Variants in RADIL observed in about 807,000 individuals in gnomAD.
RADIL encodes ras-associating and dilute domain-containing protein.
Under a neutral mutation model 97.6 loss-of-function variants are expected in RADIL, and 99 were observed. That is an observed-to-expected ratio of 1.01 (90% CI 0.86 to 1.20). The LOEUF (loss-of-function observed/expected upper bound fraction) is 1.20, where lower values mean the gene tolerates loss of function less well. Among genes scored for constraint, RADIL ranks in the 50% most tolerant of loss-of-function variants. The probability of loss-of-function intolerance (pLI) is 0.00; values close to 1 mark genes in which losing one functional copy is unlikely to be tolerated. For synonymous variants in RADIL, 803 were observed against 691.8 expected, an observed-to-expected ratio of 1.16 and a Z score of -2.52; for missense variants, 1,765 against 1,498.9, an observed-to-expected ratio of 1.18 and a Z score of -2.93.
chr7:4,875,124 G>A (rs151222589), intron 2 of RADIL, among the ~76,000 whole-genome samples: 5,054 of 142,054 alleles, frequency 0.036, 503 homozygotes, highest in African/African-American at 0.14. Context: ...CCCGGGAGGC[G>A]GAGCTTGCAG....
At chr7:4,816,558 A>G (rs954161289) in intron 7 of RADIL, 93 bp from the exon 8 acceptor site, 11 of 1,048,104 alleles carry the variant, frequency 1.0e-5, no homozygotes, top group Non-Finnish European at 1.6e-5. Context: ...CCACCCACGC[A>G]CTGCTTGCAG....
intron 10 of RADIL, among the ~76,000 whole-genome samples, chr7:4,804,422 C>T (rs542759793): frequency 4.6e-4 from 70 of 152,350 alleles, no homozygotes; most frequent in African/African-American, 1.4e-3. Flanking sequence ...CCCGCCATCC[C>T]GTACTCTGTT....
chr7:4,805,916 G>A (rs1187593018), intron 9 of RADIL, 200 bp from the exon 10 acceptor site: 2 of 985,376 alleles, frequency 2.0e-6, no homozygotes, highest in African/African-American at 3.5e-5. Flanking sequence ...CTGCTCCAGG[G>A]AGAGGCCGGC....
chr7:4,865,245 T>TAA (rs1347827436), intron 2 of RADIL, among the ~76,000 whole-genome samples: 1 of 152,226 alleles, frequency 6.6e-6, no homozygotes, highest in East Asian at 1.9e-4. Context: ...TCATAGCACA[T>TAA]AAAACAACTT....
chr7:4,841,453 C>G (rs957695154), intron 2 of RADIL, among the ~76,000 whole-genome samples: 1 of 152,210 alleles, frequency 6.6e-6, no homozygotes, highest in Admixed American at 6.5e-5. Flanking sequence ...AAGTGACACC[C>G]ACAAGCGCTG....
chr7:4,850,635 G>A (rs1211472464), intron 2 of RADIL, among the ~76,000 whole-genome samples: 1 of 152,182 alleles, frequency 6.6e-6, no homozygotes, highest in Non-Finnish European at 1.5e-5. Context: ...GGAGCTGAGA[G>A]TGGTCCACGG....
rs79065631 is a variant in RADIL at position 4,878,369 on chromosome 7, C to T, written c.-64-166G>A. Among the ~76,000 whole-genome samples, 890 of 152,110 alleles carry T rather than the reference C, an allele frequency of 5.9e-3. 11 individuals carry two copies. Among genetic ancestry groups the T allele is most frequent in the African/African-American group, 0.02 (837 of 41,510 alleles). On this transcript the variant is annotated intron_variant, in intron 1 of 14. Coordinates refer to ENST00000399583, the MANE Select transcript of RADIL (RefSeq NM_018059.5). This position sits in a 1 kb window ranked among gnomAD's most constrained non-coding sequence, Gnocchi z 4.1. The stretch of plus-strand genomic sequence containing the variant: ...GACCAGCCTGGGAAACATAGTAAGG[C>T]CCCGGCTCTACAAAAAATTTAAAAA...
intron 5 of RADIL, among the ~76,000 whole-genome samples, chr7:4,829,099 C>T (rs1341070990): frequency 1.3e-5 from 2 of 152,168 alleles, no homozygotes; most frequent in Admixed American, 6.5e-5. Context: ...GGCCCACTCC[C>T]AACTCCCATG....
intron 6 of RADIL, among the ~76,000 whole-genome samples, chr7:4,820,365 G>A (rs550458313): frequency 5.3e-5 from 8 of 152,340 alleles, no homozygotes; most frequent in South Asian, 4.1e-4. Flanking sequence ...GGAACCTTGC[G>A]TGGAGACTTA....
chr7:4,835,661 A>C lies in RADIL; in HGVS notation c.784-422T>G, dbSNP rs1466657272. On this transcript the variant is annotated intron_variant, in intron 3 of 14. Coordinates refer to ENST00000399583, the MANE Select transcript of RADIL (RefSeq NM_018059.5). The surrounding 1 kb of genome is among the most constrained non-coding windows in gnomAD (Gnocchi z 5.8). ...GGAGCACTGCCGCCTGTGTGAGAGC[A>C]CTGCCCCGAGGGAAGATGCCACCTA... Among the ~76,000 whole-genome samples, 1 of 152,270 alleles carries C rather than the reference A, an allele frequency of 6.6e-6. No individual in the cohort carries two copies. Among genetic ancestry groups the C allele is most frequent in the Middle Eastern group, 3.4e-3 (1 of 294 alleles).
intron 2 of RADIL, chr7:4,860,297 T>C: frequency 6.2e-7 from 1 of 1,614,002 alleles, no homozygotes; most frequent in Non-Finnish European, 8.5e-7. Context: ...TGCTTTCTTG[T>C]CCTGAAGCAC....
intron 9 of RADIL, among the ~76,000 whole-genome samples, chr7:4,812,404 A>G (rs1430040080): frequency 1.3e-5 from 2 of 151,300 alleles, no homozygotes; most frequent in African/African-American, 4.9e-5. Flanking sequence ...TTTCTCCCTT[A>G]TTCAACTTTC....
chr7:4,813,797 C>A lies in RADIL; in HGVS notation c.2139+1481G>T, dbSNP rs1402998231. On this transcript the variant is annotated intron_variant, in intron 9 of 14. Transcript: ENST00000399583. This position sits in a 1 kb window ranked among gnomAD's most constrained non-coding sequence, Gnocchi z 5.0. Reference sequence around the variant, plus strand: ...GGAACTGCAGGCTCAGCTGCTCCATCCAAGCCTCAGTGCTTGCCACAATGT... The same window carrying A: ...GGAACTGCAGGCTCAGCTGCTCCATACAAGCCTCAGTGCTTGCCACAATGT... Among the ~76,000 whole-genome samples, 1 of 152,218 alleles carries A rather than the reference C, an allele frequency of 6.6e-6. No individual in the cohort carries two copies. Among genetic ancestry groups the A allele is most frequent in the Non-Finnish European group, 1.5e-5 (1 of 68,046 alleles).
At chr7:4,828,579 C>A (rs1209360654) in intron 5 of RADIL, among the ~76,000 whole-genome samples, 1 of 152,208 alleles carries the variant, frequency 6.6e-6, no homozygotes, top group East Asian at 1.9e-4. Flanking sequence ...ATTTGAAACA[C>A]AGAACACAAA....
chr7:4,832,078 G>T (rs988167326), intron 5 of RADIL, 63 bp downstream of exon 5: 21 of 1,567,020 alleles, frequency 1.3e-5, no homozygotes, highest in African/African-American at 2.7e-5. Context: ...TGGCTCCCCC[G>T]GGAAGTGTGA....
rs542268714 is a variant in RADIL, at chr7:4,840,612, A to G, written c.536-4007T>C. ...GAACAGGGTCACCCCAGGGGCCCTT[A>G]TGCTACCAATGGGAGATTCCGCCAA... On this transcript the variant is annotated intron_variant, in intron 2 of 14. Coordinates refer to ENST00000399583, the MANE Select transcript of RADIL (RefSeq NM_018059.5). This position sits in a 1 kb window ranked among gnomAD's most constrained non-coding sequence, Gnocchi z 5.6. Among the ~76,000 whole-genome samples, 4 of 152,332 alleles carry G rather than the reference A, an allele frequency of 2.6e-5. No individual in the cohort carries two copies. The highest frequency in any genetic ancestry group is 7.2e-5 in the African/African-American group (3 of 41,578).
rs1784434886 is a variant in RADIL at position 4,879,212 on chromosome 7, G to T, written c.-64-1009C>A. Among the ~76,000 whole-genome samples the T allele has an allele frequency of 6.6e-6, 1 of 152,228 alleles. No homozygotes were observed. The highest frequency in any genetic ancestry group is 2.1e-4 in the South Asian group (1 of 4,832). On this transcript the variant is annotated intron_variant, in intron 1 of 14. Transcript: ENST00000399583. The surrounding 1 kb of genome is among the most constrained non-coding windows in gnomAD (Gnocchi z 4.1). Reference sequence around the variant, plus strand: ...GGCCACAGAGATGCAGTCTCCTGGGGAAACGGGAAAACAGCCTGGGACGCG... The same window carrying T: ...GGCCACAGAGATGCAGTCTCCTGGGTAAACGGGAAAACAGCCTGGGACGCG...
At chr7:4,827,220 C>T (rs1783007265) in intron 5 of RADIL, among the ~76,000 whole-genome samples, 1 of 151,822 alleles carries the variant, frequency 6.6e-6, no homozygotes, top group South Asian at 2.1e-4. Context: ...CAAAAATTAG[C>T]CGGGCATGGT....
rs1049772606 is a variant in RADIL at position 4,822,204 on chromosome 7, G to A, written c.1615+190C>T. Among the ~76,000 whole-genome samples the A allele has an allele frequency of 2.6e-5, 4 of 152,158 alleles. No individual in the cohort carries two copies. The highest frequency in any genetic ancestry group is 4.8e-5 in the African/African-American group (2 of 41,460). ...GTGGGGGGAGGTGCCAGACTGGCCC[G>A]TGCCACCAGCACCAGCCTCACAGGC... is the stretch of plus-strand genomic sequence containing the variant. On this transcript the variant is annotated intron_variant, in intron 6 of 14. Transcript: ENST00000399583. This position sits in a 1 kb window ranked among gnomAD's most constrained non-coding sequence, Gnocchi z 5.3.
Sources: gnomAD v4.1 joint callset for allele counts (sites outside exome capture counted in the v4.1 genomes callset) on GRCh38, gnomAD v4.1.1 for gene constraint, Gnocchi (gnomAD v3.1) non-coding constraint, MANE v1.5 for transcripts, NCBI Gene and HGNC (gene_info 2026-07-23, HGNC 2026-07-21) for gene names.